The following WDR35 variants were observed in gnomAD, a reference collection of about 807,000 sequenced individuals.
The protein encoded by WDR35 is WD repeat-containing protein 35.
Under a neutral mutation model 158.3 loss-of-function variants are expected in WDR35, and 118 were observed. The observed-to-expected ratio is 0.75, with a 90% CI of 0.64 to 0.87. WDR35 has a LOEUF of 0.87. Among genes scored for constraint, WDR35 ranks in the 40% least tolerant of loss-of-function variants. The pLI is 0.00. For missense variants in WDR35, 1,263 were observed against 1,405.8 expected, an observed-to-expected ratio of 0.90 and a Z score of 1.62; for synonymous variants, 448 against 476.1, an observed-to-expected ratio of 0.94 and a Z score of 0.77.
Position 19,959,561 on chromosome 2 carries a change from A to G in WDR35, c.1255+993T>C, listed in dbSNP as rs16987253. 1.9e-3 allele frequency among the ~76,000 whole-genome samples: 285 copies of G among 152,178 alleles called. 3 individuals carry two copies. In the East Asian group the frequency reaches 0.023, roughly 12 times the overall value. On this transcript the variant is annotated intron_variant, in intron 11 of 26. Transcript: ENST00000281405. ...TAAGACATGAAGTTGAAATGTGTCA[A>G]TATATCTAAGTGAGTAGGTTATCAA...
chr2:19,913,740 T>C, intron 26 of WDR35, 32 bp from the exon 27 acceptor site: 1 of 1,613,898 alleles, frequency 6.2e-7, no homozygotes, highest in Non-Finnish European at 8.5e-7. Context: ...TTCATTATAC[T>C]TTAAAACTTC....
chr2:19,955,331 AT>A (rs1671392238), intron 11 of WDR35, among the ~76,000 whole-genome samples: 1 of 152,212 alleles, frequency 6.6e-6, no homozygotes, highest in Non-Finnish European at 1.5e-5. Context: ...TAAACAAATA[AT>A]TTTTAATATT....
At chr2:19,987,737 T>A (rs975586699) in intron 2 of WDR35, among the ~76,000 whole-genome samples, 1 of 141,514 alleles carries the variant, frequency 7.1e-6, no homozygotes, top group Non-Finnish European at 1.5e-5. Flanking sequence ...GGTAGGAGAA[T>A]GGCATGAACC....
At chr2:19,989,871 G>C (rs1672694593) in intron 1 of WDR35, 121 bp downstream of exon 1, 1 of 1,499,366 alleles carries the variant, frequency 6.7e-7, no homozygotes, top group African/African-American at 1.4e-5. Context: ...AAGGATGGCT[G>C]CGGAATGGCG....
Position 19,911,681 on chromosome 2 carries a change from T to A in WDR35, c.*1877A>T, listed in dbSNP as rs1669839734. The A allele has an allele frequency of 6.6e-6, 1 of 152,214 alleles. No homozygotes were observed. The highest frequency in any genetic ancestry group is 1.5e-5 in the Non-Finnish European group (1 of 68,044). The allele number at this position is 152,214 out of a possible 1,614,324, so 9.4% of individuals were successfully genotyped here. On this transcript the variant is annotated 3_prime_UTR_variant, in exon 27 of 27. Coordinates refer to ENST00000281405, the MANE Select transcript of WDR35 (RefSeq NM_020779.4). ...GCAAAGTTAATAGAGCGTGTATGTG[T>A]GACCACAGATAGAAAGGAGCAAGAG...
intron 16 of WDR35, among the ~76,000 whole-genome samples, chr2:19,944,168 T>C (rs1670974226): frequency 6.6e-6 from 1 of 151,986 alleles, no homozygotes; most frequent in Non-Finnish European, 1.5e-5. Flanking sequence ...TCCTTGTGAA[T>C]GAAAAGAACA....
At chr2:19,938,643 A>G (rs1056439031) in intron 17 of WDR35, among the ~76,000 whole-genome samples, 1 of 152,166 alleles carries the variant, frequency 6.6e-6, no homozygotes, top group African/African-American at 2.4e-5. Flanking sequence ...ACAGAGGAAA[A>G]TGGCAGAAGG....
intron 2 of WDR35, 78 bp downstream of exon 2, chr2:19,989,087 A>AGAT: frequency 8.2e-7 from 1 of 1,223,442 alleles, no homozygotes; most frequent in Non-Finnish European, 1.2e-6. Flanking sequence ...GCATATTGAC[A>AGAT]GATAACATGA....
chr2:19,980,603 A>G, intron 4 of WDR35, 88 bp downstream of exon 4: 2 of 1,074,166 alleles, frequency 1.9e-6, no homozygotes, highest in Admixed American at 1.7e-5. Context: ...AAAGGGGTCT[A>G]TTTTGGAGAT....
At chr2:19,933,222 T>C (rs993709545) in intron 22 of WDR35, among the ~76,000 whole-genome samples, 179 bp downstream of exon 22, 5 of 152,370 alleles carry the variant, frequency 3.3e-5, no homozygotes, top group Middle Eastern at 6.8e-3. Context: ...TAAGTGCAAC[T>C]TTCTTCATCC....
At chr2:19,957,536 A>T (rs1236424106) in intron 11 of WDR35, among the ~76,000 whole-genome samples, 1 of 151,412 alleles carries the variant, frequency 6.6e-6, no homozygotes, top group East Asian at 1.9e-4. Context: ...AAAATTTGAA[A>T]TATCTAGAAA....
At chr2:19,939,004 C>T (rs751369967) in intron 17 of WDR35, among the ~76,000 whole-genome samples, 11 of 152,140 alleles carry the variant, frequency 7.2e-5, no homozygotes, top group Non-Finnish European at 1.2e-4. Context: ...CACTGAGAGC[C>T]TTCTTTATCT....
chr2:19,971,034 T>A lies in WDR35; in HGVS notation c.883-1429A>T, dbSNP rs574827552. 2.0e-5 allele frequency among the ~76,000 whole-genome samples: 3 copies of A among 150,036 alleles called. No individual in the cohort carries two copies. In the South Asian group the frequency reaches 6.4e-4, roughly 32 times the overall value. On this transcript the variant is annotated intron_variant, in intron 8 of 26. Coordinates refer to ENST00000281405, the MANE Select transcript of WDR35 (RefSeq NM_020779.4). Reference sequence around the variant, plus strand: ...CAATAAATATACATTCAAATTTTTTTAATTTAAAATTTAAAATAAATAAAC... The same window carrying A: ...CAATAAATATACATTCAAATTTTTTAAATTTAAAATTTAAAATAAATAAAC...
chr2:19,928,048 T>A (rs1233380681), intron 25 of WDR35, among the ~76,000 whole-genome samples: 1 of 152,172 alleles, frequency 6.6e-6, no homozygotes, highest in Non-Finnish European at 1.5e-5. Flanking sequence ...GCCCCAAAAC[T>A]GGCCATAAAC....
At position 19,955,907 on chromosome 2, in the gene WDR35, A is replaced by AT. The variant is rs142323645; in HGVS notation, c.1256-1930dup. ...CTAAATAACTCAGTCCAACTGAGTAATTTTTTTTTTAATTCTTTTTTCACT... is the reference window on the plus strand; with the variant it reads ...CTAAATAACTCAGTCCAACTGAGTAATTTTTTTTTTTAATTCTTTTTTCACT... On this transcript the variant is annotated intron_variant, in intron 11 of 26. Coordinates refer to ENST00000281405, the MANE Select transcript of WDR35 (RefSeq NM_020779.4). 6.0e-5 allele frequency among the ~76,000 whole-genome samples: 9 copies of AT among 150,956 alleles called. No homozygotes were observed. In the South Asian group the frequency reaches 6.3e-4, roughly 11 times the overall value.
At chr2:19,974,411 A>G in intron 7 of WDR35, 57 bp downstream of exon 7, 1 of 1,481,568 alleles carries the variant, frequency 6.7e-7, no homozygotes, top group South Asian at 1.3e-5. Context: ...TCCATCTCAA[A>G]AAGAAAAAAA....
intron 25 of WDR35, among the ~76,000 whole-genome samples, chr2:19,927,539 A>G (rs1670393888): frequency 6.6e-6 from 1 of 152,204 alleles, no homozygotes; most frequent in African/African-American, 2.4e-5. Flanking sequence ...AAGAGTTCCT[A>G]TTATCTAGAA....
chr2:19,948,804 C>T (rs1671143291), intron 13 of WDR35, among the ~76,000 whole-genome samples: 2 of 151,934 alleles, frequency 1.3e-5, no homozygotes, highest in Non-Finnish European at 2.9e-5. Flanking sequence ...GGCCCAGCTA[C>T]TTGGGAGGCT....
chr2:19,956,985 A>G (rs140209974), intron 11 of WDR35, among the ~76,000 whole-genome samples: 1 of 152,234 alleles, frequency 6.6e-6, no homozygotes, highest in Non-Finnish European at 1.5e-5. Context: ...TTCTAAATAT[A>G]TAACACATAT....
Sources: allele counts gnomAD v4.1 joint callset (sites outside exome capture counted in the v4.1 genomes callset), GRCh38; gene constraint gnomAD v4.1.1; transcripts MANE v1.5; gene names NCBI Gene and HGNC (gene_info 2026-07-23, HGNC 2026-07-21).